NUGGC: variants seen among roughly 807,000 people sequenced by gnomAD.
NUGGC encodes the protein nuclear GTPase SLIP-GC.
Under a neutral mutation model 92.6 loss-of-function variants are expected in NUGGC, and 58 were observed. The ratio of observed to expected loss-of-function variants is 0.63; its 90% CI spans 0.51 to 0.78. The LOEUF (loss-of-function observed/expected upper bound fraction) is 0.78, where lower values mean the gene tolerates loss of function less well. Among genes scored for constraint, NUGGC ranks in the 30% least tolerant of loss-of-function variants. NUGGC has a pLI of 0.00. For synonymous variants in NUGGC, 376 were observed against 366.4 expected (o/e 1.03, Z -0.30); for missense variants, 925 against 964.6 (o/e 0.96, Z 0.54).
At chr8:28,038,886 T>G (rs1809622179) in intron 13 of NUGGC, among the ~76,000 whole-genome samples, 2 of 152,064 alleles carry the variant, frequency 1.3e-5, no homozygotes, top group African/African-American at 4.8e-5. Flanking sequence ...AAAATTAAAA[T>G]AATAATAAGG....
intron 13 of NUGGC, among the ~76,000 whole-genome samples, chr8:28,038,459 TATAACA>T (rs1197252083): frequency 3.9e-5 from 6 of 152,194 alleles, no homozygotes; most frequent in Non-Finnish European, 2.9e-5. Flanking sequence ...ACGGCAACCC[TATAACA>T]TAGGTACCGT....
chr8:28,071,878 G>A (rs1810599338), intron 2 of NUGGC, among the ~76,000 whole-genome samples: 1 of 152,084 alleles, frequency 6.6e-6, no homozygotes, highest in Admixed American at 6.5e-5. Context: ...AGGCCATGAG[G>A]CTCCAAAACT....
rs373371560 is a variant in NUGGC at position 28,041,131 on chromosome 8, C to T, written c.1531G>A (p.Ala511Thr). Reference sequence around the variant, plus strand: ...TCTTGCAGAGGCTGCTCCATGCAGGCGAAGCACTGTGCGATGGCCTTCTCC... The same window carrying T: ...TCTTGCAGAGGCTGCTCCATGCAGGTGAAGCACTGTGCGATGGCCTTCTCC... Reference protein sequence around the residue: ...LLEKAIAQCFACMEQPLQEGV... With the variant: ...LLEKAIAQCFTCMEQPLQEGV... The change falls in exon 13 of 19, where the codon GCC becomes ACC. Residue 511 changes from alanine to threonine, a missense_variant. Coordinates refer to ENST00000413272, the MANE Select transcript of NUGGC (RefSeq NM_001010906.2). 59 of 1,609,222 alleles carry T rather than the reference C, an allele frequency of 3.7e-5. No homozygotes were observed. The highest frequency in any genetic ancestry group is 9.0e-5 in the East Asian group (4 of 44,684).
chr8:28,066,593 AT>A (rs1416162248), intron 6 of NUGGC, among the ~76,000 whole-genome samples: 9 of 152,244 alleles, frequency 5.9e-5, no homozygotes, highest in Admixed American at 5.9e-4. Flanking sequence ...GAATAGCAAT[AT>A]TTTAAAGGTG....
intron 7 of NUGGC, among the ~76,000 whole-genome samples, chr8:28,062,166 T>C (rs1215483690): frequency 2.0e-5 from 3 of 152,086 alleles, no homozygotes; most frequent in East Asian, 1.9e-4. Flanking sequence ...CCTTGGATTA[T>C]AGGGAAGTAA....
intron 7 of NUGGC, among the ~76,000 whole-genome samples, chr8:28,062,691 G>A (rs762287965): frequency 6.6e-6 from 1 of 152,228 alleles, no homozygotes; most frequent in Non-Finnish European, 1.5e-5. Context: ...GGTCCAGCCA[G>A]CGGAAGGCCA....
chr8:28,060,571 T>C lies in NUGGC; in HGVS notation c.952A>G (p.Ile318Val), dbSNP rs1215254951. ...TIDKCSVIWV[I>V]SDIERVSGGQ... ...CCAGAAACTCGCTCTATGTCGCTGA[T>C]CACCCAGATCACTGAGCACTTGTCA... The change falls in exon 8 of 19, where the codon ATC becomes GTC. Residue 318 changes from isoleucine to valine, a missense_variant. Ile to Val is a conservative substitution (Grantham distance 29). Transcript: ENST00000413272. 1.2e-6 allele frequency: 2 copies of C among 1,612,800 alleles called. No homozygotes were observed. The highest frequency in any genetic ancestry group is 4.5e-5 in the East Asian group (2 of 44,858).
chr8:28,064,520 AC>A lies in NUGGC; in HGVS notation c.921+1del. 1 of 1,613,556 alleles carries A rather than the reference AC, an allele frequency of 6.2e-7. No homozygotes were observed. The highest frequency in any genetic ancestry group is 1.7e-5 in the Admixed American group (1 of 60,014). Reference sequence around the variant, plus strand: ...AGAACTAAACCTACGAAAGACAGTCACCTTTTTCCACATCTCGTCCCTCTTG... The same window carrying A: ...AGAACTAAACCTACGAAAGACAGTCACTTTTTCCACATCTCGTCCCTCTTG... On this transcript the variant is annotated splice_donor_variant, in intron 7 of 18. Coordinates refer to ENST00000413272, the MANE Select transcript of NUGGC (RefSeq NM_001010906.2). LOFTEE classifies it high-confidence loss of function.
intron 7 of NUGGC, among the ~76,000 whole-genome samples, chr8:28,063,809 T>C (rs1207474243): frequency 6.6e-6 from 1 of 152,204 alleles, no homozygotes; most frequent in Non-Finnish European, 1.5e-5. Context: ...TGGCAGCTGC[T>C]GTGCTGCTCA....
At chr8:28,076,068 G>A (rs79385576) in intron 1 of NUGGC, among the ~76,000 whole-genome samples, 6,692 of 152,156 alleles carry the variant, frequency 0.044, 502 homozygotes, top group African/African-American at 0.15. Flanking sequence ...GTGTGTCCCC[G>A]GCTCCATACA....
At chr8:28,079,905 T>A (rs1002680024) in intron 1 of NUGGC, among the ~76,000 whole-genome samples, 3 of 148,072 alleles carry the variant, frequency 2.0e-5, no homozygotes, top group Non-Finnish European at 1.5e-5. Flanking sequence ...ACTGCTTTTT[T>A]GTTTTTGTTT....
intron 6 of NUGGC, among the ~76,000 whole-genome samples, chr8:28,066,098 C>T (rs183678681): frequency 1.2e-4 from 19 of 152,250 alleles, no homozygotes; most frequent in Admixed American, 2.6e-4. Context: ...AAATTTATGA[C>T]GCTGGGAAGG....
At position 28,047,558 on chromosome 8, in the gene NUGGC, C is replaced by A; in HGVS notation, c.1261G>T (p.Val421Phe). The A allele has an allele frequency of 6.4e-7, 1 of 1,570,968 alleles. No homozygotes were observed. The highest frequency in any genetic ancestry group is 1.2e-5 in the South Asian group (1 of 85,362). Residue 421 changes from valine (V) to phenylalanine (F), a missense_variant, in exon 11 of 19, where the codon GTC becomes TTC. Physicochemically the swap from Val to Phe is conservative, Grantham distance 50 (BLOSUM62 -1). Coordinates refer to ENST00000413272, the MANE Select transcript of NUGGC (RefSeq NM_001010906.2). ...VLEASDLVYT[V>F]SAQEYWQQAL... is the part of the protein sequence containing the mutation. ...TGCTGCCAGTACTCCTGGGCGCTGA[C>A]TGTATACACCAGATCTGAGGCTTCC... is the stretch of plus-strand genomic sequence containing the variant.
At chr8:28,029,876 A>G (rs535285951) in intron 16 of NUGGC, among the ~76,000 whole-genome samples, 1 of 152,352 alleles carries the variant, frequency 6.6e-6, no homozygotes, top group South Asian at 2.1e-4. Context: ...TTAGATAATA[A>G]CCAGCATTCA....
At chr8:28,064,824 G>A in intron 6 of NUGGC, 93 bp from the exon 7 acceptor site, 1 of 1,069,912 alleles carries the variant, frequency 9.3e-7, no homozygotes, top group Non-Finnish European at 1.4e-6. Flanking sequence ...TAAGTATGCT[G>A]AGTAAGGGTA....
rs1337983977 is a variant in NUGGC, at chr8:28,066,937, G to C, written c.711+577C>G. 2.0e-5 allele frequency among the ~76,000 whole-genome samples: 3 copies of C among 152,290 alleles called. No individual in the cohort carries two copies. In the East Asian group the frequency reaches 5.8e-4, roughly 29 times the overall value. ...GCTGTGTGGCTCAGTTCTGAACTCT[G>C]AAATCTACACAGAAATTTGTCAGAG... On this transcript the variant is annotated intron_variant, in intron 6 of 18. Coordinates refer to ENST00000413272, the MANE Select transcript of NUGGC (RefSeq NM_001010906.2).
intron 7 of NUGGC, among the ~76,000 whole-genome samples, chr8:28,061,149 A>G (rs996039643): frequency 3.3e-5 from 5 of 152,200 alleles, no homozygotes; most frequent in Admixed American, 3.3e-4. Flanking sequence ...GTTTTTCCAG[A>G]ACTAGGTTTG....
intron 7 of NUGGC, among the ~76,000 whole-genome samples, chr8:28,062,117 A>T (rs535070452): frequency 1.3e-5 from 2 of 152,166 alleles, no homozygotes; most frequent in Non-Finnish European, 2.9e-5. Context: ...TCCATACATC[A>T]CTGCTTAAAA....
Position 28,074,387 on chromosome 8 carries a change from A to C in NUGGC, c.24T>G (p.Phe8Leu). The C allele has an allele frequency of 6.2e-7, 1 of 1,612,972 alleles. No individual in the cohort carries two copies. The highest frequency in any genetic ancestry group is 8.5e-7 in the Non-Finnish European group (1 of 1,179,050). The change falls in exon 2 of 19, where the codon TTT becomes TTG. Residue 8 changes from phenylalanine to leucine, a missense_variant. Physicochemically the swap from Phe to Leu is conservative, Grantham distance 22. Coordinates refer to ENST00000413272, the MANE Select transcript of NUGGC (RefSeq NM_001010906.2). ...TGTTACCTGGATGCGGTTCCTGGCCAAAAACATCCTTCGTTTCTGCCATTC... is the reference window on the plus strand; with the variant it reads ...TGTTACCTGGATGCGGTTCCTGGCCCAAAACATCCTTCGTTTCTGCCATTC... Reference protein sequence around the residue: MAETKDVFGQEPHPVEDD... With the variant: MAETKDVLGQEPHPVEDD...
Sources: gnomAD v4.1 joint callset for allele counts (sites outside exome capture counted in the v4.1 genomes callset) on GRCh38, gnomAD v4.1.1 for gene constraint, MANE v1.5 for transcripts, NCBI Gene and HGNC (gene_info 2026-07-23, HGNC 2026-07-21) for gene names.